The following TASOR variants were observed in gnomAD, a reference collection of about 807,000 sequenced individuals.
The protein encoded by TASOR is transcription activation suppressor.
In TASOR, 53 loss-of-function variants were observed where a neutral mutation model predicts 178.6. That is an observed-to-expected ratio of 0.30 (90% CI 0.24 to 0.37). The LOEUF is 0.37. TASOR is among the 10% of genes least tolerant of loss of function. TASOR has a pLI of 1.00. For synonymous variants in TASOR, 713 were observed against 696.2 expected, an observed-to-expected ratio of 1.02 and a Z score of -0.38; for missense variants, 1,815 against 1,971.4, an observed-to-expected ratio of 0.92 and a Z score of 1.50.
At chr3:56,666,939 T>C (rs2030071865) in intron 6 of TASOR, among the ~76,000 whole-genome samples, 1 of 152,242 alleles carries the variant, frequency 6.6e-6, no homozygotes, top group Admixed American at 6.5e-5. Context: ...GTTTTGTAAC[T>C]TTCAGAGTAG....
intron 17 of TASOR, 56 bp from the exon 18 acceptor site, chr3:56,634,022 A>T: frequency 7.3e-7 from 1 of 1,369,826 alleles, no homozygotes; most frequent in Non-Finnish European, 9.7e-7. Context: ...AGATATGAAA[A>T]CACAAACCCT....
intron 22 of TASOR, 58 bp from the exon 23 acceptor site, chr3:56,624,701 G>C: frequency 6.4e-7 from 1 of 1,551,320 alleles, no homozygotes; most frequent in South Asian, 1.2e-5. Flanking sequence ...ACAGCCCCTA[G>C]CCCTCACAAA....
At chr3:56,666,223 A>G in intron 7 of TASOR, 37 bp downstream of exon 7, 1 of 1,482,848 alleles carries the variant, frequency 6.7e-7, no homozygotes, top group Non-Finnish European at 9.0e-7. Context: ...TAGTAGAATT[A>G]TCACTGCGGA....
At position 56,627,609 on chromosome 3, in the gene TASOR, T is replaced by C. The variant is rs749859123; in HGVS notation, c.4003A>G (p.Ile1335Val). 1.9e-6 allele frequency: 3 copies of C among 1,614,104 alleles called. No homozygotes were observed. The highest frequency in any genetic ancestry group is 2.5e-6 in the Non-Finnish European group (3 of 1,179,974). The change falls in exon 20 of 24, where the codon ATT (isoleucine) becomes GTT (valine). Residue 1335 changes from isoleucine (I) to valine (V), a missense_variant. By Grantham distance (29) the Ile-to-Val change is conservative. This residue lies in a region of TASOR where 134 missense variants were observed against 195.2 expected (regional missense o/e 0.69). Transcript: ENST00000683822. ...SGGFIVSDES[I>V]LNPEVVTVEN... ...ACTGTGACAACCTCTGGGTTTAGAA[T>C]TGATTCATCAGATACGATAAAACCT...
chr3:56,644,990 C>A (rs1428225697), intron 14 of TASOR, among the ~76,000 whole-genome samples: 6 of 152,074 alleles, frequency 3.9e-5, no homozygotes, highest in Admixed American at 1.3e-4. Context: ...AAAAGGAGAG[C>A]AGGCTGAGCA....
intron 11 of TASOR, among the ~76,000 whole-genome samples, chr3:56,650,331 T>G (rs1414205629): frequency 3.3e-5 from 5 of 152,134 alleles, no homozygotes; most frequent in South Asian, 2.1e-4. Flanking sequence ...AAAAGTAAAG[T>G]GGTATTGTGT....
chr3:56,631,615 G>C (rs1379836959), intron 18 of TASOR, among the ~76,000 whole-genome samples: 1 of 133,818 alleles, frequency 7.5e-6, no homozygotes, highest in East Asian at 2.2e-4. Flanking sequence ...ATGGAGTCTT[G>C]CTCTGTCGCC....
chr3:56,626,321 C>G (rs1310103066), intron 21 of TASOR, among the ~76,000 whole-genome samples: 1 of 152,164 alleles, frequency 6.6e-6, no homozygotes, highest in East Asian at 1.9e-4. Context: ...AATTGATGTC[C>G]TACTCACAAA....
In TASOR at chr3:56,640,030, T is replaced by C. The variant is rs1290301322; in HGVS notation, c.2720A>G (p.Asn907Ser). ...CCAATGTATTTCAGTCTCTTCAACA[T>C]TATTTGACTTAGACTGTTGTCTACG... Reference protein sequence around the residue: ...GFRRQQSKSNNVEETEIHWKL... With the variant: ...GFRRQQSKSNSVEETEIHWKL... The change falls in exon 16 of 24, where the codon AAT becomes AGT. Residue 907 changes from asparagine to serine, a missense_variant. Transcript: ENST00000683822. 5 of 1,613,024 alleles carry C rather than the reference T, an allele frequency of 3.1e-6. No homozygotes were observed. The highest frequency in any genetic ancestry group is 4.2e-6 in the Non-Finnish European group (5 of 1,179,426).
chr3:56,656,599 C>CA lies in TASOR; in HGVS notation c.1368+4131_1368+4132insT, dbSNP rs1326403860. On this transcript the variant is annotated intron_variant, in intron 11 of 23. Coordinates refer to ENST00000683822, the MANE Select transcript of TASOR (RefSeq NM_001365635.2). Reference sequence around the variant, plus strand: ...GAGCGAGACTCTGTCCCCCGCCCCCCCCCAAAAAAAGAAAGAAAATACTAT... The same window carrying CA: ...GAGCGAGACTCTGTCCCCCGCCCCCCACCCAAAAAAAGAAAGAAAATACTAT... Among the ~76,000 whole-genome samples the CA allele has an allele frequency of 7.2e-4, 109 of 151,116 alleles. 1 individual carries two copies. Among genetic ancestry groups the CA allele is most frequent in the Non-Finnish European group, 1.6e-4 (11 of 67,824 alleles).
At chr3:56,680,460 T>C (rs943082499) in intron 1 of TASOR, among the ~76,000 whole-genome samples, 1 of 152,198 alleles carries the variant, frequency 6.6e-6, no homozygotes, top group Non-Finnish European at 1.5e-5. Flanking sequence ...CAGTGACCTT[T>C]AAGGTATTAA....
rs190324356 is a variant in TASOR, at chr3:56,636,022, G to A, written c.2825-2056C>T. On this transcript the variant is annotated intron_variant, in intron 17 of 23. Transcript: ENST00000683822. Reference sequence around the variant, plus strand: ...GTATGATTTTATTAAGAACTTAACTGCTCAGGCACAGTGGCTCATGCCTGT... The same window carrying A: ...GTATGATTTTATTAAGAACTTAACTACTCAGGCACAGTGGCTCATGCCTGT... Among the ~76,000 whole-genome samples the A allele has an allele frequency of 5.9e-5, 9 of 152,158 alleles. No homozygotes were observed. The East Asian group carries it at 1.7e-3, about 29-fold the overall frequency.
At chr3:56,680,317 T>C (rs2031675861) in intron 1 of TASOR, among the ~76,000 whole-genome samples, 1 of 152,196 alleles carries the variant, frequency 6.6e-6, no homozygotes. Flanking sequence ...CTTAGAACAA[T>C]GCCCACAACT....
intron 13 of TASOR, among the ~76,000 whole-genome samples, chr3:56,648,166 G>T (rs2077274902): frequency 6.6e-6 from 1 of 151,848 alleles, no homozygotes; most frequent in African/African-American, 2.4e-5. Context: ...AGTGAGCCAT[G>T]ATCGCACCAC....
At chr3:56,668,909 G>T (rs2030356298) in intron 5 of TASOR, among the ~76,000 whole-genome samples, 1 of 152,100 alleles carries the variant, frequency 6.6e-6, no homozygotes, top group Non-Finnish European at 1.5e-5. Context: ...GGAGGCGGAG[G>T]TTGCAGTGAG....
rs1394994375 is a variant in TASOR at position 56,669,700 on chromosome 3, CTTCA to C, written c.731_734del (p.Met244ArgfsTer4). On this transcript the variant is annotated frameshift_variant and splice_region_variant, in exon 5 of 24. Transcript: ENST00000683822. LOFTEE classifies it high-confidence loss of function. Reference sequence around the variant, plus strand: ...CATGAAGTGTGTAAGTTTAAATTACCTTCATTATTTTAAAAATAACAACATCACC... The same window carrying C: ...CATGAAGTGTGTAAGTTTAAATTACCTTATTTTAAAAATAACAACATCACC... The C allele has an allele frequency of 6.6e-7, 1 of 1,524,948 alleles. No homozygotes were observed. The highest frequency in any genetic ancestry group is 8.8e-7 in the Non-Finnish European group (1 of 1,130,226). 94.5% of individuals were successfully genotyped at this position (1,524,948 alleles called of 1,614,324 possible). A position where few individuals can be genotyped will look rare whatever the true frequency, so the allele number is the denominator to read the frequency against.
Position 56,623,017 on chromosome 3 carries a change from TA to T in TASOR, c.*19del, listed in dbSNP as rs565235444. On this transcript the variant is annotated 3_prime_UTR_variant, in exon 24 of 24. Transcript: ENST00000683822. ...ATAAACAAAGTCCACAACAATCTCT[TA>T]AAAAAAAAGTTACTACAGTTATTTC... 510 of 1,442,248 alleles carry T rather than the reference TA, an allele frequency of 3.5e-4. No individual in the cohort carries two copies. Among genetic ancestry groups the T allele is most frequent in the South Asian group, 7.8e-4 (50 of 63,768 alleles). 89.3% of individuals were successfully genotyped at this position (1,442,248 alleles called of 1,614,324 possible). A position where few individuals can be genotyped will look rare whatever the true frequency, so the allele number is the denominator to read the frequency against.
chr3:56,651,964 G>T (rs1461429307), intron 11 of TASOR, among the ~76,000 whole-genome samples: 1 of 151,948 alleles, frequency 6.6e-6, no homozygotes, highest in Non-Finnish European at 1.5e-5. Flanking sequence ...AACAAAATGT[G>T]GTATTATCTA....
rs114427213 is a variant in TASOR, at chr3:56,621,780, A to G, written c.*1257T>C. The G allele has an allele frequency of 5.8e-4, 206 of 357,552 alleles. 1 individual carries two copies. Among genetic ancestry groups the G allele is most frequent in the African/African-American group, 3.6e-3 (171 of 47,110 alleles). The allele number at this position is 357,552 out of a possible 1,614,324, so 22.1% of individuals were successfully genotyped here. A position where few individuals can be genotyped will look rare whatever the true frequency, so the allele number is the denominator to read the frequency against. On this transcript the variant is annotated 3_prime_UTR_variant, in exon 24 of 24. Coordinates refer to ENST00000683822, the MANE Select transcript of TASOR (RefSeq NM_001365635.2). Reference sequence around the variant, plus strand: ...TAGTAAAATGCTGTACTTGTTCTATACAATAAAACAGATACTTCTTTTGTA... The same window carrying G: ...TAGTAAAATGCTGTACTTGTTCTATGCAATAAAACAGATACTTCTTTTGTA...
Sources: allele counts gnomAD v4.1 joint callset (sites outside exome capture counted in the v4.1 genomes callset), GRCh38; gene constraint gnomAD v4.1.1; regional missense constraint gnomAD v4.1.1; transcripts MANE v1.5; gene names NCBI Gene and HGNC (gene_info 2026-07-23, HGNC 2026-07-21).